The following TTYH1 variants were observed in gnomAD, a reference collection of about 807,000 sequenced individuals.
The protein encoded by TTYH1 is tweety family member 1.
In TTYH1, 33 loss-of-function variants were observed where a neutral mutation model predicts 61.2. The observed-to-expected ratio is 0.54, with a 90% CI of 0.41 to 0.72. The LOEUF (loss-of-function observed/expected upper bound fraction) is 0.72. Among genes scored for constraint, TTYH1 ranks in the 30% least tolerant of loss-of-function variants. The pLI, the probability that TTYH1 is intolerant of heterozygous loss-of-function variation, is 0.00. For missense variants in TTYH1, 538 were observed against 575.8 expected (o/e 0.93, Z 0.67); for synonymous variants, 308 against 266.4 (o/e 1.16, Z -1.52).
At chr19:54,425,828 G>A (rs570509885) in intron 4 of TTYH1, among the ~76,000 whole-genome samples, 1 of 151,924 alleles carries the variant, frequency 6.6e-6, no homozygotes, top group Non-Finnish European at 1.5e-5. Context: ...TGATTCTCCT[G>A]CCTCAGCCTC....
chr19:54,430,710 G>A, intron 8 of TTYH1, 103 bp from the exon 9 acceptor site: 2 of 1,578,776 alleles, frequency 1.3e-6, no homozygotes, highest in South Asian at 1.1e-5. Flanking sequence ...TGGGTTCCGG[G>A]GAGGATGCAG....
chr19:54,433,711 TA>T lies in TTYH1; in HGVS notation c.1126-1818del, dbSNP rs60617442. ...CAACATGGTGAAACCCCATCTCTAT[TA>T]AAAAAAAAAAAATCAACAATAAGGG... is the stretch of plus-strand genomic sequence containing the variant. On this transcript the variant is annotated intron_variant, in intron 10 of 13. Transcript: ENST00000376530. 2.1e-3 allele frequency: 311 copies of T among 145,470 alleles called. 2 individuals carry two copies. Among genetic ancestry groups the T allele is most frequent in the African/African-American group, 5.6e-3 (222 of 39,334 alleles). The allele number at this position is 145,470 out of a possible 1,614,324, so 9.0% of individuals were successfully genotyped here.
chr19:54,423,929 G>A (rs571871828), intron 4 of TTYH1, among the ~76,000 whole-genome samples: 4 of 152,284 alleles, frequency 2.6e-5, no homozygotes, highest in African/African-American at 4.8e-5. Flanking sequence ...TTGGGAAGCC[G>A]AGGCAGGCGG....
Position 54,429,774 on chromosome 19 carries a change from TG to T in TTYH1, c.808-106del. ...GTCTGAGGGAAGAGGGGCTGGGACC[TG>T]GACCCCTGGGTGGGGAGGGGAGCTG... On this transcript the variant is annotated intron_variant, in intron 6 of 13. Transcript: ENST00000376530. This position sits in a 1 kb window ranked among gnomAD's most constrained non-coding sequence, Gnocchi z 5.1. The T allele has an allele frequency of 1.1e-6, 1 of 947,124 alleles. No homozygotes were observed. The highest frequency in any genetic ancestry group is 1.7e-6 in the Non-Finnish European group (1 of 601,660). 58.7% of individuals were successfully genotyped at this position (947,124 alleles called of 1,614,324 possible).
At position 54,431,029 on chromosome 19, in the gene TTYH1, G is replaced by GCAGGGCGGGGT. The variant is rs1569265642; in HGVS notation, c.1033-60_1033-59insTCAGGGCGGGG. ...GGGGCCTTGGGTTGTGGGCGGGGAC[G>GCAGGGCGGGGT]CAGGGCGGGGCCAGGGCGATGGGCG... On this transcript the variant is annotated intron_variant, in intron 9 of 13. Coordinates refer to ENST00000376530, the MANE Select transcript of TTYH1 (RefSeq NM_020659.4). The GCAGGGCGGGGT allele has an allele frequency of 6.1e-6, 9 of 1,483,840 alleles. No homozygotes were observed. In the African/African-American group the frequency reaches 1.0e-4, roughly 17 times the overall value. 91.9% of individuals were successfully genotyped at this position (1,483,840 alleles called of 1,614,324 possible).
chr19:54,430,839 G>A lies in TTYH1; in HGVS notation c.966G>A (p.Leu322=). The change falls in exon 9 of 14, where the codon CTG becomes CTA. Residue 322 remains leucine, a synonymous_variant. Transcript: ENST00000376530. ...GGCTGACTCTGTCCCAGCGAGCTCT[G>A]GCCAACATCCACTCCCAGCTGCTGG... is the stretch of plus-strand genomic sequence containing the variant. ...QQRLTLSQRA[L]ANIHSQLLGL... is the part of the protein sequence containing the mutation. 2 of 1,613,890 alleles carry A rather than the reference G, an allele frequency of 1.2e-6. No homozygotes were observed. Among genetic ancestry groups the A allele is most frequent in the Non-Finnish European group, 1.7e-6 (2 of 1,179,980 alleles).
chr19:54,428,863 C>T (rs1862486), intron 5 of TTYH1, among the ~76,000 whole-genome samples: 13,903 of 152,178 alleles, frequency 0.091, 1,300 homozygotes, highest in African/African-American at 0.24. Flanking sequence ...CTGACACGCC[C>T]CCTGCACCCC....
intron 4 of TTYH1, among the ~76,000 whole-genome samples, chr19:54,423,290 T>C (rs1599894375): frequency 6.6e-6 from 1 of 150,734 alleles, no homozygotes; most frequent in African/African-American, 2.4e-5. Flanking sequence ...CTCCGCCTCC[T>C]GGATTCAAGC....
intron 4 of TTYH1, among the ~76,000 whole-genome samples, chr19:54,424,512 C>T (rs961614992): frequency 6.6e-6 from 1 of 152,212 alleles, no homozygotes; most frequent in African/African-American, 2.4e-5. Context: ...AAGAGACAGA[C>T]AGGCCTGGGT....
rs781247942 is a variant in TTYH1 at position 54,431,271 on chromosome 19, T to G, written c.1125+80T>G. Reference sequence around the variant, plus strand: ...CACAGAACTACCTCCTCCTTCTCCTTGGACCCCTGCCATTGCGCCTGAGGA... The same window carrying G: ...CACAGAACTACCTCCTCCTTCTCCTGGGACCCCTGCCATTGCGCCTGAGGA... On this transcript the variant is annotated intron_variant, in intron 10 of 13. Transcript: ENST00000376530. 12 of 953,620 alleles carry G rather than the reference T, an allele frequency of 1.3e-5. No individual in the cohort carries two copies. The East Asian group carries it at 2.7e-4, about 21-fold the overall frequency. The allele number at this position is 953,620 out of a possible 1,614,324, so 59.1% of individuals were successfully genotyped here. A position where few individuals can be genotyped will look rare whatever the true frequency, so the allele number is the denominator to read the frequency against.
In TTYH1 at chr19:54,429,975, G is replaced by A. The variant is rs371914925; in HGVS notation, c.883+18G>A. On this transcript the variant is annotated intron_variant, in intron 7 of 13. Transcript: ENST00000376530. This position sits in a 1 kb window ranked among gnomAD's most constrained non-coding sequence, Gnocchi z 5.1. Reference sequence around the variant, plus strand: ...CAGCTCAGGTGATTTCCAAGGGCCCGGTGGGTCCGCCGGGTTGGGCAGTGC... The same window carrying A: ...CAGCTCAGGTGATTTCCAAGGGCCCAGTGGGTCCGCCGGGTTGGGCAGTGC... 6.0e-5 allele frequency: 96 copies of A among 1,611,232 alleles called. No homozygotes were observed. The African/African-American group carries it at 7.7e-4, about 13-fold the overall frequency.
rs889297551 is a variant in TTYH1 at position 54,421,191 on chromosome 19, G to A, written c.306-86G>A. ...AGATGGGAGGGGTGGATAAGAAGGC[G>A]AGGTGGAGGGGATGGGGTGGGAGGG... On this transcript the variant is annotated intron_variant, in intron 2 of 13. Coordinates refer to ENST00000376530, the MANE Select transcript of TTYH1 (RefSeq NM_020659.4). This position sits in a 1 kb window ranked among gnomAD's most constrained non-coding sequence, Gnocchi z 4.8. The A allele has an allele frequency of 3.3e-5, 27 of 830,000 alleles. No individual in the cohort carries two copies. Among genetic ancestry groups the A allele is most frequent in the Admixed American group, 7.8e-5 (4 of 51,286 alleles). The allele number at this position is 830,000 out of a possible 1,614,324, so 51.4% of individuals were successfully genotyped here.
chr19:54,421,358 C>G lies in TTYH1; in HGVS notation c.387C>G (p.Ala129=). ...VSQLSSALLH[A]NHTLSTIDHL... ...AGCTCAGCTCTGCGCTGCTGCACGC[C>G]AACCACACACTCAGCACCATTGACC... The change falls in exon 3 of 14, where the codon GCC becomes GCG. Residue 129 remains alanine (A), a synonymous_variant. Coordinates refer to ENST00000376530, the MANE Select transcript of TTYH1 (RefSeq NM_020659.4). The surrounding 1 kb of genome is among the most constrained non-coding windows in gnomAD (Gnocchi z 4.8). 1 of 1,613,734 alleles carries G rather than the reference C, an allele frequency of 6.2e-7. No individual in the cohort carries two copies. Among genetic ancestry groups the G allele is most frequent in the Non-Finnish European group, 8.5e-7 (1 of 1,179,758 alleles).
Position 54,416,126 on chromosome 19 carries a change from G to A in TTYH1, c.126+448G>A. 1 of 1,250,854 alleles carries A rather than the reference G, an allele frequency of 8.0e-7. No individual in the cohort carries two copies. Among genetic ancestry groups the A allele is most frequent in the South Asian group, 1.3e-5 (1 of 79,672 alleles). The allele number at this position is 1,250,854 out of a possible 1,614,324, so 77.5% of individuals were successfully genotyped here. ...ACAGCGGACCTGATAACGGTGGCGG[G>A]GAAAACGCTGGCTGCTGCGGTGCTG... On this transcript the variant is annotated intron_variant, in intron 1 of 13. Coordinates refer to ENST00000376530, the MANE Select transcript of TTYH1 (RefSeq NM_020659.4). The surrounding 1 kb of genome is among the most constrained non-coding windows in gnomAD (Gnocchi z 7.0).
In TTYH1 at chr19:54,430,870, G is replaced by C. The variant is rs767577130; in HGVS notation, c.997G>C (p.Glu333Gln). Residue 333 changes from glutamate to glutamine, a missense_variant, in exon 9 of 14, where the codon GAG (glutamate) becomes CAG (glutamine). Glu to Gln is a conservative substitution (Grantham distance 29, BLOSUM62 2). This residue lies in a region of TTYH1 where 378 missense variants were observed against 401.2 expected (regional missense o/e 0.94). Coordinates refer to ENST00000376530, the MANE Select transcript of TTYH1 (RefSeq NM_020659.4). ...CATCCACTCCCAGCTGCTGGGCCTG[G>C]AGCGAGAAGCTGTGCCTCAGTTCCC... ...ANIHSQLLGLEREAVPQFPSA... is the reference protein window; with the variant it reads ...ANIHSQLLGLQREAVPQFPSA... 6.2e-7 allele frequency: 1 copy of C among 1,613,736 alleles called. No homozygotes were observed. The highest frequency in any genetic ancestry group is 1.1e-5 in the South Asian group (1 of 91,090).
Position 54,420,888 on chromosome 19 carries a change from G to T in TTYH1, c.306-389G>T. On this transcript the variant is annotated intron_variant, in intron 2 of 13. Transcript: ENST00000376530. The surrounding 1 kb of genome is among the most constrained non-coding windows in gnomAD (Gnocchi z 4.8). ...GCACCCTAGGACAGGTGCCAGGAGGGCTGCCTGCCTGGCAAAGGATGCGGG... is the reference window on the plus strand; with the variant it reads ...GCACCCTAGGACAGGTGCCAGGAGGTCTGCCTGCCTGGCAAAGGATGCGGG... 3.3e-6 allele frequency: 1 copy of T among 298,880 alleles called. No individual in the cohort carries two copies. Among genetic ancestry groups the T allele is most frequent in the Non-Finnish European group, 7.0e-6 (1 of 143,018 alleles). 18.5% of individuals were successfully genotyped at this position (298,880 alleles called of 1,614,324 possible). A position where few individuals can be genotyped will look rare whatever the true frequency, so the allele number is the denominator to read the frequency against.
Position 54,431,189 on chromosome 19 carries a change from A to C in TTYH1, c.1123A>C (p.Lys375Gln). ...VALLHCRSLH[K>Q]DYGAALRGLC... ...ACTGCTACACTGCCGCAGCCTGCACAAGGTGAAGCCCCTCCCCTCCCAATT... is the reference window on the plus strand; with the variant it reads ...ACTGCTACACTGCCGCAGCCTGCACCAGGTGAAGCCCCTCCCCTCCCAATT... Residue 375 changes from lysine (K) to glutamine (Q), a missense_variant and splice_region_variant, in exon 10 of 14, where the codon AAG (lysine) becomes CAG (glutamine). Coordinates refer to ENST00000376530, the MANE Select transcript of TTYH1 (RefSeq NM_020659.4). 3 of 1,612,128 alleles carry C rather than the reference A, an allele frequency of 1.9e-6. No homozygotes were observed. The highest frequency in any genetic ancestry group is 2.5e-6 in the Non-Finnish European group (3 of 1,178,350).
intron 4 of TTYH1, among the ~76,000 whole-genome samples, chr19:54,423,822 G>A (rs575227028): frequency 2.6e-5 from 4 of 152,152 alleles, no homozygotes; most frequent in Admixed American, 6.5e-5. Flanking sequence ...AGGGACAAAC[G>A]CAGAGAAAAA....
rs1003094920 is a variant in TTYH1 at position 54,421,127 on chromosome 19, C to T, written c.306-150C>T. On this transcript the variant is annotated intron_variant, in intron 2 of 13. Transcript: ENST00000376530. The surrounding 1 kb of genome is among the most constrained non-coding windows in gnomAD (Gnocchi z 4.8). ...CAACCGACGGGGGCCAGGCTGAAGTCGCCCTTTTCCCACGGGCTGGCCCAA... is the reference window on the plus strand; with the variant it reads ...CAACCGACGGGGGCCAGGCTGAAGTTGCCCTTTTCCCACGGGCTGGCCCAA... 1.1e-5 allele frequency: 7 copies of T among 626,152 alleles called. No homozygotes were observed. The highest frequency in any genetic ancestry group is 5.4e-5 in the African/African-American group (3 of 55,492). 38.8% of individuals were successfully genotyped at this position (626,152 alleles called of 1,614,324 possible). A position where few individuals can be genotyped will look rare whatever the true frequency, so the allele number is the denominator to read the frequency against.
Sources: gnomAD v4.1 joint callset for allele counts (sites outside exome capture counted in the v4.1 genomes callset) on GRCh38, gnomAD v4.1.1 for gene constraint, gnomAD v4.1.1 regional missense constraint, Gnocchi (gnomAD v3.1) non-coding constraint, MANE v1.5 for transcripts, NCBI Gene and HGNC (gene_info 2026-07-23, HGNC 2026-07-21) for gene names.